The following VSIG10 variants were observed in gnomAD, a reference collection of about 807,000 sequenced individuals.
VSIG10 encodes V-set and immunoglobulin domain containing 10, also known as V-set and immunoglobulin domain-containing protein 10.
In VSIG10, 48 loss-of-function variants were observed where a neutral mutation model predicts 58.7. That is an observed-to-expected ratio of 0.82 (90% confidence interval 0.65 to 1.04). The LOEUF is 1.04. VSIG10 is among the 50% of genes least tolerant of loss of function. The probability of loss-of-function intolerance (pLI) is 0.00; values close to 1 mark genes in which losing one functional copy is unlikely to be tolerated. For missense variants in VSIG10, 628 were observed against 670.0 expected (o/e 0.94, Z 0.69); for synonymous variants, 260 against 267.1 (o/e 0.97, Z 0.26).
chr12:118,069,421 TCTTC>T (rs1270676512), intron 7 of VSIG10, among the ~76,000 whole-genome samples: 4 of 106,102 alleles, frequency 3.8e-5, no homozygotes, highest in Non-Finnish European at 7.3e-5. Context: ...TTCTTCTTCT[TCTTC>T]TTTTTTTTTT....
chr12:118,067,464 CTT>C (rs34148920), intron 8 of VSIG10, among the ~76,000 whole-genome samples: 141 of 127,738 alleles, frequency 1.1e-3, no homozygotes, highest in African/African-American at 3.0e-3. Flanking sequence ...CTAAACTGGC[CTT>C]TTTTTTTTTT....
chr12:118,101,185 G>A (rs1421472619), intron 1 of VSIG10, among the ~76,000 whole-genome samples: 2 of 152,314 alleles, frequency 1.3e-5, no homozygotes, highest in East Asian at 3.9e-4. Context: ...CTAGTCCAGA[G>A]ATGTGGCTGC....
At chr12:118,086,265 C>T (rs2033123886) in intron 2 of VSIG10, among the ~76,000 whole-genome samples, 1 of 151,938 alleles carries the variant, frequency 6.6e-6, no homozygotes, top group African/African-American at 2.4e-5. Context: ...GAGTTCAAGA[C>T]CACCCTGGGC....
Position 118,103,684 on chromosome 12 carries a change from C to A in VSIG10, c.-13G>T. The A allele has an allele frequency of 1.3e-6, 2 of 1,481,894 alleles. No homozygotes were observed. Among genetic ancestry groups the A allele is most frequent in the Non-Finnish European group, 1.8e-6 (2 of 1,120,888 alleles). 91.8% of individuals were successfully genotyped at this position (1,481,894 alleles called of 1,614,324 possible). ...CGCCTGCGGCCATCTCGCCCCAGAT[C>A]CCGGCTCAGGAAACGCAGGCTCGGG... On this transcript the variant is annotated 5_prime_UTR_variant, in exon 1 of 9. Transcript: ENST00000359236.
rs35469920 is a variant in VSIG10 at position 118,078,937 on chromosome 12, TAAAAAAAA to T, written c.925+401_925+408del. Among the ~76,000 whole-genome samples the T allele has an allele frequency of 1.6e-3, 65 of 39,914 alleles. No individual in the cohort carries two copies. In the Middle Eastern group the frequency reaches 0.066, roughly 40 times the overall value. 26.2% of individuals were successfully genotyped at this position (39,914 alleles called of 152,430 possible). On this transcript the variant is annotated intron_variant, in intron 4 of 8. Transcript: ENST00000359236. ...CTGGGCAACAGAGCAAGACTCTGCC[TAAAAAAAA>T]AAAAAAAAAAAAAAAAAAAAAAATT...
chr12:118,094,704 A>G (rs1046650311), intron 2 of VSIG10, among the ~76,000 whole-genome samples: 2 of 149,944 alleles, frequency 1.3e-5, no homozygotes, highest in Non-Finnish European at 3.0e-5. Context: ...ATAAACTGGT[A>G]TCTATTCTTC....
At chr12:118,090,643 T>C (rs541472896) in intron 2 of VSIG10, among the ~76,000 whole-genome samples, 42 of 152,172 alleles carry the variant, frequency 2.8e-4, no homozygotes, top group Non-Finnish European at 4.9e-4. Context: ...GAAAGAGAAT[T>C]GGCAGAATTC....
intron 2 of VSIG10, among the ~76,000 whole-genome samples, chr12:118,089,539 C>T (rs2033232507): frequency 2.0e-5 from 3 of 152,118 alleles, no homozygotes; most frequent in African/African-American, 7.2e-5. Context: ...TGAGGGAGAC[C>T]AGCCAGCACT....
At position 118,063,646 on chromosome 12, in the gene VSIG10, T is replaced by A. The variant is rs2032149479; in HGVS notation, c.*2993A>T. 1 of 152,118 alleles carries A rather than the reference T, an allele frequency of 6.6e-6. No individual in the cohort carries two copies. The highest frequency in any genetic ancestry group is 1.5e-5 in the Non-Finnish European group (1 of 68,018). 9.4% of individuals were successfully genotyped at this position (152,118 alleles called of 1,614,324 possible). A position where few individuals can be genotyped will look rare whatever the true frequency, so the allele number is the denominator to read the frequency against. On this transcript the variant is annotated 3_prime_UTR_variant, in exon 9 of 9. Transcript: ENST00000359236. ...CTTTTAAAAAAGGCATATGATAACCTCAGAACTAATTTCTCCCAACCTCCC... is the reference window on the plus strand; with the variant it reads ...CTTTTAAAAAAGGCATATGATAACCACAGAACTAATTTCTCCCAACCTCCC...
chr12:118,082,555 G>T (rs2032993628), intron 2 of VSIG10, 126 bp from the exon 3 acceptor site: 1 of 960,768 alleles, frequency 1.0e-6, no homozygotes, highest in Non-Finnish European at 1.5e-6. Context: ...TCTAATACTA[G>T]GTGACAAATG....
chr12:118,075,136 GTATA>G (rs1379060573), intron 4 of VSIG10, among the ~76,000 whole-genome samples: 1 of 137,032 alleles, frequency 7.3e-6, no homozygotes, highest in African/African-American at 2.8e-5. Flanking sequence ...GTGTATATAT[GTATA>G]TATGTGTATA....
At chr12:118,074,690 G>C (rs2032641946) in intron 4 of VSIG10, among the ~76,000 whole-genome samples, 1 of 151,836 alleles carries the variant, frequency 6.6e-6, no homozygotes, top group South Asian at 2.1e-4. Context: ...TATTGGCCAG[G>C]CTAGTCTCAA....
intron 2 of VSIG10, among the ~76,000 whole-genome samples, chr12:118,085,694 T>G (rs112938027): frequency 0.026 from 3,888 of 148,672 alleles, 71 homozygotes; most frequent in Middle Eastern, 0.089. Context: ...AAACCCTGCC[T>G]CTACTAAAAA....
intron 4 of VSIG10, among the ~76,000 whole-genome samples, chr12:118,076,044 C>T (rs771556399): frequency 1.3e-5 from 2 of 152,116 alleles, no homozygotes. Flanking sequence ...CTGTACTGAT[C>T]GTATAAAAAT....
chr12:118,095,472 TCTC>T, intron 2 of VSIG10, 58 bp downstream of exon 2: 1 of 1,591,510 alleles, frequency 6.3e-7, no homozygotes, highest in Admixed American at 1.7e-5. Context: ...CTGACCATGG[TCTC>T]CTCCTTTCCA....
intron 8 of VSIG10, 61 bp downstream of exon 8, chr12:118,068,316 T>A: frequency 6.4e-7 from 1 of 1,556,690 alleles, no homozygotes; most frequent in Non-Finnish European, 8.8e-7. Context: ...ATTATAGGCG[T>A]GAGCCAACGC....
chr12:118,070,315 A>C (rs2032434708), intron 7 of VSIG10, among the ~76,000 whole-genome samples: 1 of 152,136 alleles, frequency 6.6e-6, no homozygotes, highest in South Asian at 2.1e-4. Context: ...TGGGAGGCCG[A>C]GGCGGGCAGA....
At chr12:118,082,820 A>G (rs1034175136) in intron 2 of VSIG10, among the ~76,000 whole-genome samples, 12 of 150,958 alleles carry the variant, frequency 7.9e-5, no homozygotes, top group Admixed American at 7.9e-4. Flanking sequence ...CTACAAAAAA[A>G]TTAAAAATTA....
At chr12:118,073,569 G>A in intron 5 of VSIG10, 130 bp downstream of exon 5, 2 of 1,070,316 alleles carry the variant, frequency 1.9e-6, no homozygotes, top group South Asian at 1.9e-5. Flanking sequence ...CAAGTCATAA[G>A]CAAGCAGATA....
Sources: gnomAD v4.1 joint callset for allele counts (sites outside exome capture counted in the v4.1 genomes callset) on GRCh38, gnomAD v4.1.1 for gene constraint, MANE v1.5 for transcripts, NCBI Gene and HGNC (gene_info 2026-07-23, HGNC 2026-07-21) for gene names.